The following RTKN2 variants were observed in gnomAD, a reference collection of about 807,000 sequenced individuals.
The protein encoded by RTKN2 is rhotekin-2.
A neutral mutation model predicts 71.5 loss-of-function variants in RTKN2; 69 were observed. That is an observed-to-expected ratio of 0.96 (90% confidence interval 0.79 to 1.18). RTKN2 has a LOEUF of 1.18. Ranked by LOEUF, RTKN2 falls within the 50% of genes most tolerant of loss-of-function variation. RTKN2 has a pLI of 0.00. For synonymous variants in RTKN2, 236 were observed against 236.5 expected (o/e 1.00, Z 0.02); for missense variants, 724 against 719.7 (o/e 1.01, Z -0.07).
At chr10:62,241,358 TTTTAAA>T (rs1842370612) in intron 3 of RTKN2, among the ~76,000 whole-genome samples, 163 bp from the exon 4 acceptor site, 2 of 152,342 alleles carry the variant, frequency 1.3e-5, no homozygotes, top group South Asian at 4.1e-4. Flanking sequence ...TAGTTTGTAC[TTTTAAA>T]AAGTTAATCT....
chr10:62,196,687 G>T lies in RTKN2; in HGVS notation c.*1221C>A. On this transcript the variant is annotated 3_prime_UTR_variant, in exon 12 of 12. Transcript: ENST00000373789. ...TTTTATTTCTTGCAATGACATTTAGGGTTCAGTGTGATTTGAGATTTTTAG... is the reference window on the plus strand; with the variant it reads ...TTTTATTTCTTGCAATGACATTTAGTGTTCAGTGTGATTTGAGATTTTTAG... 8 of 985,022 alleles carry T rather than the reference G, an allele frequency of 8.1e-6. No individual in the cohort carries two copies. Among genetic ancestry groups the T allele is most frequent in the Non-Finnish European group, 9.6e-6 (8 of 829,630 alleles). 61.0% of individuals were successfully genotyped at this position (985,022 alleles called of 1,614,324 possible). A position where few individuals can be genotyped will look rare whatever the true frequency, so the allele number is the denominator to read the frequency against.
In RTKN2 at chr10:62,218,242, G is replaced by C. The variant is rs2132890594; in HGVS notation, c.841C>G (p.Pro281Ala). 6.2e-7 allele frequency: 1 copy of C among 1,613,370 alleles called. No homozygotes were observed. The highest frequency in any genetic ancestry group is 8.5e-7 in the Non-Finnish European group (1 of 1,179,586). The change falls in exon 8 of 12, where the codon CCA becomes GCA. Residue 281 changes from proline to alanine, a missense_variant. Physicochemically the swap from Pro to Ala is conservative, Grantham distance 27 (BLOSUM62 -1). Coordinates refer to ENST00000373789, the MANE Select transcript of RTKN2 (RefSeq NM_145307.4). ...AATGCATCCTCAGCCATACAAGCTGGCTGGGCAACTAGTCGGCAGCACATG... is the reference window on the plus strand; with the variant it reads ...AATGCATCCTCAGCCATACAAGCTGCCTGGGCAACTAGTCGGCAGCACATG... ...GNMCCRLVAQPACMAEDAFAG... is the reference protein window; with the variant it reads ...GNMCCRLVAQAACMAEDAFAG...
chr10:62,190,018 AT>A (rs1284585827), downstream of RTKN2, among the ~76,000 whole-genome samples: 2 of 151,724 alleles, frequency 1.3e-5, no homozygotes, highest in African/African-American at 4.8e-5. Context: ...TCTCATTCAT[AT>A]TTTTTTTAGT....
At chr10:62,239,112 A>AT (rs967290035) in intron 5 of RTKN2, 24 of 151,034 alleles carry the variant, frequency 1.6e-4, no homozygotes, top group Non-Finnish European at 2.7e-4. Context: ...GAGATCACCC[A>AT]TTTTTTTTTA....
Position 62,193,659 on chromosome 10 carries a change from G to T in RTKN2, c.*4249C>A. The stretch of plus-strand genomic sequence containing the variant: ...GCTCTGCAGGAATAAAGTACTGAGG[G>T]AGGTACATTAAAATAAGGAGACTCC... On this transcript the variant is annotated 3_prime_UTR_variant, in exon 12 of 12. Coordinates refer to ENST00000373789, the MANE Select transcript of RTKN2 (RefSeq NM_145307.4). The T allele has an allele frequency of 1.0e-6, 1 of 985,208 alleles. No individual in the cohort carries two copies. The highest frequency in any genetic ancestry group is 4.7e-5 in the South Asian group (1 of 21,278). The allele number at this position is 985,208 out of a possible 1,614,324, so 61.0% of individuals were successfully genotyped here.
intron 2 of RTKN2, among the ~76,000 whole-genome samples, chr10:62,249,334 A>T (rs1842534661): frequency 6.8e-6 from 1 of 147,228 alleles, no homozygotes; most frequent in Non-Finnish European, 1.5e-5. Context: ...AAAGCATTTC[A>T]GAAGTAGGTC....
At chr10:62,243,105 A>C (rs1038715014) in intron 3 of RTKN2, among the ~76,000 whole-genome samples, 1 of 149,438 alleles carries the variant, frequency 6.7e-6, no homozygotes, top group Non-Finnish European at 1.5e-5. Context: ...TTAGCATTAG[A>C]TATATCTCCT....
Position 62,214,156 on chromosome 10 carries a change from G to C in RTKN2, c.1020+2962C>G, listed in dbSNP as rs138139923. Among the ~76,000 whole-genome samples, 796 of 151,714 alleles carry C rather than the reference G, an allele frequency of 5.2e-3. 22 individuals carry two copies. Among genetic ancestry groups the C allele is most frequent in the East Asian group, 0.017 (86 of 5,188 alleles). On this transcript the variant is annotated intron_variant, in intron 9 of 11. Coordinates refer to ENST00000373789, the MANE Select transcript of RTKN2 (RefSeq NM_145307.4). ...ATACTTTGTCACCAGTTTCATCTTTGAGATTAACAATTAAATTATATTTAT... is the reference window on the plus strand; with the variant it reads ...ATACTTTGTCACCAGTTTCATCTTTCAGATTAACAATTAAATTATATTTAT...
chr10:62,230,750 C>A (rs778016989), intron 6 of RTKN2, among the ~76,000 whole-genome samples: 6 of 152,002 alleles, frequency 3.9e-5, no homozygotes, highest in Non-Finnish European at 7.4e-5. Context: ...AAAGAGAGCC[C>A]CAGTGTATCG....
At chr10:62,189,699 G>A (rs539396782), downstream of RTKN2, among the ~76,000 whole-genome samples, 15 of 152,308 alleles carry the variant, frequency 9.8e-5, no homozygotes, top group South Asian at 2.9e-3. Flanking sequence ...GGAGGCACAT[G>A]CCTGTTGTCC....
chr10:62,217,273 AAG>A, intron 8 of RTKN2, 24 bp from the exon 9 acceptor site: 1 of 1,466,422 alleles, frequency 6.8e-7, no homozygotes, highest in Non-Finnish European at 9.2e-7. Flanking sequence ...AAAAAAAATC[AAG>A]AGACTATCAA....
intron 9 of RTKN2, among the ~76,000 whole-genome samples, chr10:62,212,262 A>C (rs1013650023): frequency 2.0e-5 from 3 of 151,816 alleles, no homozygotes; most frequent in Non-Finnish European, 4.4e-5. Flanking sequence ...CCAGCTACTC[A>C]GGAGGCTGAG....
chr10:62,239,695 A>T lies in RTKN2; in HGVS notation c.441T>A (p.Asn147Lys). Residue 147 changes from asparagine (N) to lysine (K), a missense_variant, in exon 5 of 12, where the codon AAT becomes AAA. Physicochemically the swap from Asn to Lys is moderately conservative, Grantham distance 94. Transcript: ENST00000373789. ...GANVFDTDVVNVDKTITDICF... is the reference protein window; with the variant it reads ...GANVFDTDVVKVDKTITDICF... ...ATATATCTGTGATTGTTTTATCCAC[A>T]TTCACCACATCAGTATCAAACACAT... 1 of 1,580,812 alleles carries T rather than the reference A, an allele frequency of 6.3e-7. No individual in the cohort carries two copies. The highest frequency in any genetic ancestry group is 1.3e-5 in the African/African-American group (1 of 74,076).
intron 9 of RTKN2, among the ~76,000 whole-genome samples, chr10:62,209,773 T>C (rs1386991924): frequency 6.6e-6 from 1 of 152,152 alleles, no homozygotes; most frequent in Non-Finnish European, 1.5e-5. Flanking sequence ...GCTCCATCTA[T>C]GTCCTTGCAA....
At position 62,262,767 on chromosome 10, in the gene RTKN2, A is replaced by G; in HGVS notation, c.115T>C (p.Trp39Arg). ...TGAGTGCTCAGAGAAAGGAGTTTCC[A>G]TATTCCTTCTCGCATTCGAATTTCT... ...DLEIRMREGIWKLLSLSTQKD... is the reference protein window; with the variant it reads ...DLEIRMREGIRKLLSLSTQKD... Residue 39 changes from tryptophan (W) to arginine (R), a missense_variant, in exon 2 of 12, where the codon TGG (tryptophan) becomes CGG (arginine). Transcript: ENST00000373789. The G allele has an allele frequency of 1.2e-6, 2 of 1,613,222 alleles. No homozygotes were observed. Among genetic ancestry groups the G allele is most frequent in the Non-Finnish European group, 1.7e-6 (2 of 1,179,626 alleles).
At chr10:62,215,177 A>G (rs1841743236) in intron 9 of RTKN2, 6 of 818,840 alleles carry the variant, frequency 7.3e-6, no homozygotes, top group Non-Finnish European at 1.1e-5. Context: ...AATTAGTAGG[A>G]TTTCATTTTT....
At chr10:62,207,880 T>C (rs1241244880) in intron 9 of RTKN2, among the ~76,000 whole-genome samples, 3 of 152,178 alleles carry the variant, frequency 2.0e-5, no homozygotes, top group Non-Finnish European at 2.9e-5. Flanking sequence ...AATTATTCTA[T>C]TAAGCCCAGC....
At chr10:62,260,171 G>A (rs1842748001) in intron 2 of RTKN2, among the ~76,000 whole-genome samples, 1 of 152,150 alleles carries the variant, frequency 6.6e-6, no homozygotes, top group African/African-American at 2.4e-5. Context: ...AGACTGCTAA[G>A]TCTCTAAAGG....
chr10:62,268,462 G>C lies in RTKN2; in HGVS notation c.60+89C>G, dbSNP rs1842905931. On this transcript the variant is annotated intron_variant, in intron 1 of 11. Coordinates refer to ENST00000373789, the MANE Select transcript of RTKN2 (RefSeq NM_145307.4). ...GCTGAAATAGAGGAGCGGGGGAGAGGCTTTCCCGACTCCTCCACAAAGCAA... is the reference window on the plus strand; with the variant it reads ...GCTGAAATAGAGGAGCGGGGGAGAGCCTTTCCCGACTCCTCCACAAAGCAA... 1.1e-5 allele frequency: 14 copies of C among 1,230,518 alleles called. No individual in the cohort carries two copies. The South Asian group carries it at 1.5e-4, about 14-fold the overall frequency. The allele number at this position is 1,230,518 out of a possible 1,614,324, so 76.2% of individuals were successfully genotyped here.
Sources: allele counts gnomAD v4.1 joint callset (sites outside exome capture counted in the v4.1 genomes callset), GRCh38; gene constraint gnomAD v4.1.1; transcripts MANE v1.5; gene names NCBI Gene and HGNC (gene_info 2026-07-23, HGNC 2026-07-21).